The following ADAM12 variants were observed in gnomAD, a reference collection of about 807,000 sequenced individuals.
ADAM12 encodes the protein disintegrin and metalloproteinase domain-containing protein 12.
Under a neutral mutation model 106.4 loss-of-function variants are expected in ADAM12, and 70 were observed. That is an observed-to-expected ratio of 0.66 (90% CI 0.54 to 0.80). The LOEUF is 0.80. ADAM12 is among the 30% of genes least tolerant of loss of function. The pLI is 0.00. For synonymous variants in ADAM12, 420 were observed against 433.5 expected (o/e 0.97, Z 0.39); for missense variants, 1,010 against 1,171.9 (o/e 0.86, Z 2.02).
chr10:126,144,552 T>C (rs1435353047), intron 4 of ADAM12, among the ~76,000 whole-genome samples: 1 of 152,180 alleles, frequency 6.6e-6, no homozygotes, highest in Non-Finnish European at 1.5e-5. Flanking sequence ...TATTTGCTTA[T>C]ACCCTGTCAC....
At chr10:126,120,476 G>A (rs896836699) in intron 5 of ADAM12, among the ~76,000 whole-genome samples, 8 of 152,156 alleles carry the variant, frequency 5.3e-5, no homozygotes, top group African/African-American at 1.9e-4. Flanking sequence ...TGGGCCTGCA[G>A]AACAGACAAC....
intron 3 of ADAM12, among the ~76,000 whole-genome samples, chr10:126,166,586 A>T (rs7900198): frequency 1.3e-4 from 19 of 151,246 alleles, no homozygotes; most frequent in Non-Finnish European, 1.3e-4. Context: ...TGCAACCTCC[A>T]CCTCCCGGTT....
Position 126,388,325 on chromosome 10 carries a change from TA to T in ADAM12, c.-181del. On this transcript the variant is annotated 5_prime_UTR_variant, in exon 1 of 23. Coordinates refer to ENST00000448723, the MANE Select transcript of ADAM12 (RefSeq NM_001288973.2). The surrounding 1 kb of genome is among the most constrained non-coding windows in gnomAD (Gnocchi z 4.4). ...CTGAGCTCTTCTAGCCTTTCATTTT[TA>T]AAAAAGTTTCCCCCCGTGTGTGTGC... 3.0e-6 allele frequency: 3 copies of T among 993,798 alleles called. No homozygotes were observed. Among genetic ancestry groups the T allele is most frequent in the Non-Finnish European group, 2.5e-6 (2 of 786,796 alleles). The allele number at this position is 993,798 out of a possible 1,614,324, so 61.6% of individuals were successfully genotyped here.
chr10:126,243,007 C>T (rs1257201949), intron 3 of ADAM12, among the ~76,000 whole-genome samples: 1 of 152,244 alleles, frequency 6.6e-6, no homozygotes, highest in Non-Finnish European at 1.5e-5. Flanking sequence ...GGGGTGGCCA[C>T]CCATCCACCC....
At chr10:126,348,291 T>G (rs1198000443) in intron 1 of ADAM12, among the ~76,000 whole-genome samples, 1 of 151,862 alleles carries the variant, frequency 6.6e-6, no homozygotes. Flanking sequence ...GCAATCGGAG[T>G]TGGGCTAGAA....
intron 8 of ADAM12, among the ~76,000 whole-genome samples, chr10:126,105,262 T>C (rs1384914698): frequency 6.6e-6 from 1 of 152,174 alleles, no homozygotes; most frequent in Non-Finnish European, 1.5e-5. Context: ...AGATATAACC[T>C]AGAATAAATG....
chr10:126,362,630 C>A (rs1439802991), intron 1 of ADAM12, among the ~76,000 whole-genome samples: 1 of 152,052 alleles, frequency 6.6e-6, no homozygotes, highest in Non-Finnish European at 1.5e-5. Flanking sequence ...AGAAAAAAAT[C>A]TGTAATTTGC....
chr10:126,245,377 C>A lies in ADAM12; in HGVS notation c.260+33538G>T, dbSNP rs960800371. On this transcript the variant is annotated intron_variant, in intron 3 of 22. Coordinates refer to ENST00000448723, the MANE Select transcript of ADAM12 (RefSeq NM_001288973.2). ...ACCTAGATGGTGAAAGGAGAGAGTC[C>A]TGCCAGCTTGAGAAAGGAATGCGCA... is the stretch of plus-strand genomic sequence containing the variant. Among the ~76,000 whole-genome samples, 4 of 152,182 alleles carry A rather than the reference C, an allele frequency of 2.6e-5. No individual in the cohort carries two copies. The East Asian group carries it at 7.7e-4, about 29-fold the overall frequency.
At chr10:126,216,728 C>T (rs76099878) in intron 3 of ADAM12, among the ~76,000 whole-genome samples, 2,646 of 152,340 alleles carry the variant, frequency 0.017, 122 homozygotes, top group East Asian at 0.13. Context: ...CAGGGGGCTT[C>T]GTAGGTCAGG....
chr10:126,072,121 T>C (rs1955007986), intron 11 of ADAM12, among the ~76,000 whole-genome samples: 1 of 152,170 alleles, frequency 6.6e-6, no homozygotes, highest in African/African-American at 2.4e-5. Flanking sequence ...ATGGTTCCAC[T>C]GTAGGGCAGG....
chr10:126,169,436 T>C (rs1957080798), intron 3 of ADAM12, among the ~76,000 whole-genome samples: 1 of 152,206 alleles, frequency 6.6e-6, no homozygotes. Context: ...AGCCCTTACA[T>C]TAATGTCTGG....
At position 126,072,475 on chromosome 10, in the gene ADAM12, C is replaced by T. The variant is rs981247093; in HGVS notation, c.1146-821G>A. Among the ~76,000 whole-genome samples the T allele has an allele frequency of 2.0e-5, 3 of 152,122 alleles. No homozygotes were observed. In the East Asian group the frequency reaches 5.8e-4, roughly 29 times the overall value. Reference sequence around the variant, plus strand: ...TAAGCGAGTATTCCTTCTTCATATCCTTTCTTTCCCCATCTGCCAGCTGAG... The same window carrying T: ...TAAGCGAGTATTCCTTCTTCATATCTTTTCTTTCCCCATCTGCCAGCTGAG... On this transcript the variant is annotated intron_variant, in intron 11 of 22. Transcript: ENST00000448723.
intron 3 of ADAM12, among the ~76,000 whole-genome samples, chr10:126,195,089 A>G (rs1441147442): frequency 6.6e-6 from 1 of 151,280 alleles, no homozygotes; most frequent in Non-Finnish European, 1.5e-5. Flanking sequence ...AGCAGAGCTT[A>G]CCAGGGGTGG....
chr10:126,123,746 C>T (rs1294057553), intron 5 of ADAM12, among the ~76,000 whole-genome samples: 1 of 152,148 alleles, frequency 6.6e-6, no homozygotes, highest in Non-Finnish European at 1.5e-5. Flanking sequence ...TCGCCTGCTT[C>T]CCTTTGTGCA....
intron 13 of ADAM12, 51 bp from the exon 14 acceptor site, chr10:126,065,052 C>G (rs768218553): frequency 2.6e-6 from 4 of 1,535,632 alleles, no homozygotes; most frequent in Non-Finnish European, 3.5e-6. Flanking sequence ...AAGGGAGAGG[C>G]AGCTCTCAGC....
intron 3 of ADAM12, among the ~76,000 whole-genome samples, chr10:126,267,660 T>C (rs781000264): frequency 1.8e-4 from 27 of 152,096 alleles, no homozygotes; most frequent in Non-Finnish European, 3.5e-4. Context: ...CAGCCGTAAA[T>C]ACAGATGAAG....
At chr10:126,385,660 A>AT (rs1051561394) in intron 1 of ADAM12, among the ~76,000 whole-genome samples, 2 of 151,694 alleles carry the variant, frequency 1.3e-5, no homozygotes, top group African/African-American at 4.8e-5. Context: ...CAAACATTGA[A>AT]TTTTTTTTTA....
chr10:126,132,796 G>C (rs960461747), intron 5 of ADAM12, among the ~76,000 whole-genome samples: 1 of 152,054 alleles, frequency 6.6e-6, no homozygotes, highest in Non-Finnish European at 1.5e-5. Flanking sequence ...GTTCTAGGGT[G>C]AGAACATCTA....
At chr10:126,047,277 C>G (rs941294226) in intron 16 of ADAM12, among the ~76,000 whole-genome samples, 3 of 152,120 alleles carry the variant, frequency 2.0e-5, no homozygotes, top group African/African-American at 7.2e-5. Context: ...ACCCCAACAG[C>G]TCATATAAGG....
Sources: allele counts gnomAD v4.1 joint callset (sites outside exome capture counted in the v4.1 genomes callset), GRCh38; gene constraint gnomAD v4.1.1; non-coding constraint Gnocchi (gnomAD v3.1); transcripts MANE v1.5; gene names NCBI Gene and HGNC (gene_info 2026-07-23, HGNC 2026-07-21).